The following KLHL1 variants were observed in gnomAD, a reference collection of about 807,000 sequenced individuals.
KLHL1 encodes the protein kelch like family member 1, also known as kelch-like protein 1.
Under a neutral mutation model 77.7 loss-of-function variants are expected in KLHL1, and 47 were observed. The ratio of observed to expected loss-of-function variants is 0.60; its 90% CI spans 0.48 to 0.77. KLHL1 has a LOEUF of 0.77. KLHL1 is among the 30% of genes least tolerant of loss of function. KLHL1 has a pLI of 0.00. For synonymous variants in KLHL1, 360 were observed against 325.2 expected, an observed-to-expected ratio of 1.11 and a Z score of -1.15; for missense variants, 925 against 910.8, an observed-to-expected ratio of 1.02 and a Z score of -0.20.
At chr13:69,718,596 T>C (rs1872884023) in intron 9 of KLHL1, among the ~76,000 whole-genome samples, 1 of 152,114 alleles carries the variant, frequency 6.6e-6, no homozygotes, top group African/African-American at 2.4e-5. Context: ...CCATGGATCA[T>C]TATGTATCCT....
chr13:69,947,508 A>T (rs751658050), intron 3 of KLHL1, among the ~76,000 whole-genome samples: 1 of 152,056 alleles, frequency 6.6e-6, no homozygotes, highest in Non-Finnish European at 1.5e-5. Flanking sequence ...AATACACTTC[A>T]TAATAATTTA....
intron 1 of KLHL1, among the ~76,000 whole-genome samples, chr13:69,988,172 C>T (rs1039861010): frequency 6.6e-5 from 10 of 151,984 alleles, no homozygotes; most frequent in African/African-American, 1.4e-4. Flanking sequence ...TCCATGTTCT[C>T]GCATTACTTA....
At chr13:70,009,651 T>G (rs774153775) in intron 1 of KLHL1, among the ~76,000 whole-genome samples, 6 of 152,160 alleles carry the variant, frequency 3.9e-5, no homozygotes. Context: ...GATATGTAAA[T>G]GTGGTCAAGA....
chr13:69,705,458 T>TCAGCCATTTAATAAG (rs1183853680), intron 10 of KLHL1, among the ~76,000 whole-genome samples: 3 of 151,714 alleles, frequency 2.0e-5, no homozygotes, highest in African/African-American at 7.2e-5. Context: ...TATTTAATAA[T>TCAGCCATTTAATAAG]CAGCCATTTG....
intron 6 of KLHL1, among the ~76,000 whole-genome samples, chr13:69,827,729 C>CAA (rs58504097): frequency 0.01 from 742 of 71,706 alleles, 15 homozygotes; most frequent in Middle Eastern, 0.025. Context: ...GACCCTGTCT[C>CAA]AAAAAAAAAA....
intron 5 of KLHL1, among the ~76,000 whole-genome samples, chr13:69,843,676 T>A (rs1225775589): frequency 1.3e-5 from 2 of 151,782 alleles, no homozygotes; most frequent in Non-Finnish European, 2.9e-5. Context: ...TAAGTAATTT[T>A]AAAAATGATT....
intron 7 of KLHL1, among the ~76,000 whole-genome samples, chr13:69,784,373 A>AAAAG (rs1249158138): frequency 1.3e-5 from 2 of 152,230 alleles, no homozygotes; most frequent in African/African-American, 4.8e-5. Flanking sequence ...TGCTCCAATT[A>AAAAG]AAAGACACAG....
chr13:69,989,582 C>T (rs970817584), intron 1 of KLHL1, among the ~76,000 whole-genome samples: 4 of 151,890 alleles, frequency 2.6e-5, no homozygotes, highest in Admixed American at 6.6e-5. Flanking sequence ...TTGATTCTTC[C>T]TATCCAAGGA....
intron 1 of KLHL1, among the ~76,000 whole-genome samples, chr13:70,029,376 T>C (rs947091459): frequency 2.6e-5 from 4 of 152,220 alleles, no homozygotes; most frequent in African/African-American, 9.6e-5. Context: ...ACACTCCAAC[T>C]TGATGAAGGT....
intron 4 of KLHL1, among the ~76,000 whole-genome samples, chr13:69,921,210 TGATAA>T (rs1162700729): frequency 2.0e-5 from 3 of 152,198 alleles, no homozygotes; most frequent in Middle Eastern, 3.2e-3. Flanking sequence ...TACTGGAATC[TGATAA>T]GATAAGGTTA....
intron 4 of KLHL1, among the ~76,000 whole-genome samples, chr13:69,885,755 C>G (rs552080449): frequency 3.0e-4 from 45 of 152,078 alleles, no homozygotes; most frequent in African/African-American, 1.1e-3. Context: ...GATATATGGC[C>G]CTGATAATCA....
intron 1 of KLHL1, among the ~76,000 whole-genome samples, chr13:69,985,022 G>A (rs1289525122): frequency 6.6e-6 from 1 of 152,126 alleles, no homozygotes; most frequent in Admixed American, 6.6e-5. Context: ...GAAGCAGGGA[G>A]GATCGCTTGA....
chr13:69,906,591 C>A (rs780560756), intron 4 of KLHL1, among the ~76,000 whole-genome samples: 2 of 151,906 alleles, frequency 1.3e-5, no homozygotes, highest in African/African-American at 2.4e-5. Context: ...CAAATACAAT[C>A]TTAGAATTAC....
intron 6 of KLHL1, among the ~76,000 whole-genome samples, chr13:69,801,796 AG>A (rs1877393650): frequency 6.6e-6 from 1 of 152,230 alleles, no homozygotes; most frequent in South Asian, 2.1e-4. Context: ...TAGCATTTGT[AG>A]TAATATCAAA....
intron 1 of KLHL1, among the ~76,000 whole-genome samples, chr13:70,003,625 A>G (rs960056139): frequency 2.0e-5 from 3 of 151,798 alleles, no homozygotes; most frequent in African/African-American, 7.2e-5. Flanking sequence ...CTCCAAATGC[A>G]TTTATCATTG....
At chr13:69,794,501 AG>A (rs1877015264) in intron 7 of KLHL1, among the ~76,000 whole-genome samples, 1 of 151,926 alleles carries the variant, frequency 6.6e-6, no homozygotes, top group African/African-American at 2.4e-5. Context: ...AGAGCAGGAA[AG>A]AAACAGTAGA....
At chr13:69,922,905 C>G (rs1882688672) in intron 4 of KLHL1, among the ~76,000 whole-genome samples, 1 of 152,070 alleles carries the variant, frequency 6.6e-6, no homozygotes, top group African/African-American at 2.4e-5. Flanking sequence ...AATATATACT[C>G]TCAATTTCAA....
intron 5 of KLHL1, among the ~76,000 whole-genome samples, chr13:69,872,783 C>A (rs1301962220): frequency 6.6e-6 from 1 of 152,104 alleles, no homozygotes; most frequent in East Asian, 1.9e-4. Flanking sequence ...AGGGGCAAGG[C>A]TCTTTTTAAC....
intron 6 of KLHL1, among the ~76,000 whole-genome samples, chr13:69,822,803 T>C (rs192688730): frequency 6.6e-6 from 1 of 152,288 alleles, no homozygotes; most frequent in Admixed American, 6.5e-5. Flanking sequence ...ATAACTGGTT[T>C]AATATAATTA....
Sources: allele counts gnomAD v4.1 joint callset (sites outside exome capture counted in the v4.1 genomes callset), GRCh38; gene constraint gnomAD v4.1.1; transcripts MANE v1.5; gene names NCBI Gene and HGNC (gene_info 2026-07-23, HGNC 2026-07-21).